Variants in HERPUD1 observed in about 807,000 individuals in gnomAD.
HERPUD1 encodes the protein homocysteine-responsive endoplasmic reticulum-resident ubiquitin-like domain member 1 protein.
A neutral mutation model predicts 45.0 loss-of-function variants in HERPUD1; 17 were observed. The ratio of observed to expected loss-of-function variants is 0.38; its 90% CI spans 0.26 to 0.57. The LOEUF (loss-of-function observed/expected upper bound fraction) is 0.57. Ranked by LOEUF, HERPUD1 falls within the 20% of genes least tolerant of loss-of-function variation. HERPUD1 has a pLI of 0.72. For missense variants in HERPUD1, 420 were observed against 490.5 expected, an observed-to-expected ratio of 0.86 and a Z score of 1.36; for synonymous variants, 164 against 177.5, an observed-to-expected ratio of 0.92 and a Z score of 0.61.
intron 4 of HERPUD1, chr16:56,937,071 CTTCCA>C (rs34189116): frequency 7.2e-6 from 2 of 276,660 alleles, no homozygotes; most frequent in East Asian, 1.6e-4. Flanking sequence ...GCGTTTTATC[CTTCCA>C]TTGTGCTGAC....
intron 1 of HERPUD1, among the ~76,000 whole-genome samples, chr16:56,934,547 T>C (rs2055850064): frequency 6.6e-6 from 1 of 152,042 alleles, no homozygotes; most frequent in African/African-American, 2.4e-5. Context: ...TGCTGGGTGA[T>C]TTTGGTTAAG....
At chr16:56,936,269 A>G (rs1335352157) in intron 3 of HERPUD1, 1 of 152,854 alleles carries the variant, frequency 6.5e-6, no homozygotes, top group Admixed American at 6.5e-5. Context: ...CTGCACTGTA[A>G]TTTTTTTAAA....
intron 1 of HERPUD1, among the ~76,000 whole-genome samples, chr16:56,932,637 G>C (rs536785449): frequency 6.6e-6 from 1 of 152,386 alleles, no homozygotes; most frequent in South Asian, 2.1e-4. Flanking sequence ...CTCCAAGCCT[G>C]TTTCTCCCCC....
chr16:56,933,405 A>G (rs1486073101), intron 1 of HERPUD1: 1 of 451,300 alleles, frequency 2.2e-6, no homozygotes, highest in African/African-American at 2.0e-5. Context: ...ACCCTGGCAC[A>G]TTTTTCAGTT....
intron 7 of HERPUD1, among the ~76,000 whole-genome samples, chr16:56,942,633 T>A (rs549386732): frequency 6.6e-4 from 100 of 152,126 alleles, no homozygotes; most frequent in Admixed American, 2.2e-3. Flanking sequence ...GGCAGGTAGA[T>A]CACCTGAGGT....
chr16:56,944,820 T>C lies in HERPUD1; in HGVS notation c.*1530T>C, dbSNP rs914592302. 2 of 152,188 alleles carry C rather than the reference T, an allele frequency of 1.3e-5. No individual in the cohort carries two copies. Among genetic ancestry groups the C allele is most frequent in the South Asian group, 4.1e-4 (2 of 4,826 alleles). 9.4% of individuals were successfully genotyped at this position (152,188 alleles called of 1,614,324 possible). ...ATATATTTTTACGTGAGTAATGTTA[T>C]GTGTAGGTGTTCTATTTGGCAAAAT... On this transcript the variant is annotated 3_prime_UTR_variant, in exon 8 of 8. Coordinates refer to ENST00000439977, the MANE Select transcript of HERPUD1 (RefSeq NM_014685.4).
Position 56,943,292 on chromosome 16 carries a change from G to A in HERPUD1, c.*2G>A, listed in dbSNP as rs1321776571. On this transcript the variant is annotated 3_prime_UTR_variant, in exon 8 of 8. Transcript: ENST00000439977. ...GGCCCCCCAGCCATCGCAAACTGAT[G>A]GTGTTTGTGCTGTAGCTGTTGGAGG... is the stretch of plus-strand genomic sequence containing the variant. The A allele has an allele frequency of 6.2e-7, 1 of 1,613,972 alleles. No homozygotes were observed. Among genetic ancestry groups the A allele is most frequent in the East Asian group, 2.2e-5 (1 of 44,888 alleles).
At position 56,943,523 on chromosome 16, in the gene HERPUD1, C is replaced by T; in HGVS notation, c.*233C>T. 1 of 577,054 alleles carries T rather than the reference C, an allele frequency of 1.7e-6. No homozygotes were observed. The highest frequency in any genetic ancestry group is 3.1e-6 in the Non-Finnish European group (1 of 320,692). The allele number at this position is 577,054 out of a possible 1,614,324, so 35.7% of individuals were successfully genotyped here. ...TTATTCTGAAGAGCTTTAATATATA[C>T]TCTATGTAGTTTAATAAGCACTGTA... On this transcript the variant is annotated 3_prime_UTR_variant, in exon 8 of 8. Coordinates refer to ENST00000439977, the MANE Select transcript of HERPUD1 (RefSeq NM_014685.4).
At position 56,932,202 on chromosome 16, in the gene HERPUD1, G is replaced by A; in HGVS notation, c.-43G>A. The A allele has an allele frequency of 1.3e-6, 2 of 1,595,824 alleles. No homozygotes were observed. The highest frequency in any genetic ancestry group is 1.7e-6 in the Non-Finnish European group (2 of 1,176,386). On this transcript the variant is annotated 5_prime_UTR_variant, in exon 1 of 8. Transcript: ENST00000439977. The stretch of plus-strand genomic sequence containing the variant: ...GGGCGGCTGAGACGCCGCCTGCCTG[G>A]CACCTAGGAGCGCAGCGGAGCCCCG...
chr16:56,941,017 C>T (rs1437123498), intron 6 of HERPUD1: 1 of 152,128 alleles, frequency 6.6e-6, no homozygotes, highest in Non-Finnish European at 1.5e-5. Flanking sequence ...GAATTCATGG[C>T]TTGGTTGTAT....
Position 56,935,250 on chromosome 16 carries a change from A to C in HERPUD1, c.163A>C (p.Arg55=), listed in dbSNP as rs200895004. The change falls in exon 2 of 8, where the codon AGG becomes CGG. Residue 55 remains arginine (R), a synonymous_variant. Transcript: ENST00000439977. ...YPERPRPEDQ[R]LIYSGKLLLD... ...CCATGATCAGCGTCCAGAGGACCAGAGGTTAATTTATTCTGGGAAGCTGTT... is the reference window on the plus strand; with the variant it reads ...CCATGATCAGCGTCCAGAGGACCAGCGGTTAATTTATTCTGGGAAGCTGTT... The C allele has an allele frequency of 6.2e-7, 1 of 1,613,564 alleles. No individual in the cohort carries two copies. The highest frequency in any genetic ancestry group is 2.2e-5 in the East Asian group (1 of 44,884).
chr16:56,936,655 C>G, intron 3 of HERPUD1, 32 bp from the exon 4 acceptor site: 1 of 1,573,694 alleles, frequency 6.4e-7, no homozygotes, highest in East Asian at 2.3e-5. Flanking sequence ...GCATCAGCTC[C>G]TTTGTTCTGT....
In HERPUD1 at chr16:56,934,097, A is replaced by G. The variant is rs1470513671; in HGVS notation, c.148-1138A>G. Among the ~76,000 whole-genome samples, 3 of 152,338 alleles carry G rather than the reference A, an allele frequency of 2.0e-5. No individual in the cohort carries two copies. In the East Asian group the frequency reaches 5.8e-4, roughly 29 times the overall value. ...TAAACAGCTTGCTTTAATTATCTCAAGCTACTTGGCAGGAACACCTTTATT... is the reference window on the plus strand; with the variant it reads ...TAAACAGCTTGCTTTAATTATCTCAGGCTACTTGGCAGGAACACCTTTATT... On this transcript the variant is annotated intron_variant, in intron 1 of 7. Coordinates refer to ENST00000439977, the MANE Select transcript of HERPUD1 (RefSeq NM_014685.4).
intron 1 of HERPUD1, among the ~76,000 whole-genome samples, chr16:56,932,696 A>G (rs1178376561): frequency 5.9e-5 from 9 of 152,156 alleles, no homozygotes; most frequent in African/African-American, 2.2e-4. Flanking sequence ...TCCAATGGCT[A>G]GAAGTAAGAA....
chr16:56,933,202 C>G (rs1303214440), intron 1 of HERPUD1: 1 of 451,252 alleles, frequency 2.2e-6, no homozygotes, highest in Non-Finnish European at 4.4e-6. Context: ...GAGCATAATT[C>G]TTCATCACAC....
chr16:56,940,416 C>T, intron 6 of HERPUD1, 171 bp downstream of exon 6: 2 of 587,094 alleles, frequency 3.4e-6, no homozygotes, highest in African/African-American at 3.7e-5. Flanking sequence ...AAGCGATTCT[C>T]CTGCCTCAGC....
intron 6 of HERPUD1, chr16:56,941,909 A>G: frequency 2.1e-6 from 1 of 485,600 alleles, no homozygotes. Context: ...TGCTGTTTAT[A>G]TGGCTGGGTG....
At chr16:56,933,418 A>T (rs1373436609) in intron 1 of HERPUD1, 1 of 444,736 alleles carries the variant, frequency 2.2e-6, no homozygotes, top group African/African-American at 2.0e-5. Flanking sequence ...TTTCAGTTTC[A>T]CCATAGCTGC....
intron 3 of HERPUD1, 56 bp from the exon 4 acceptor site, chr16:56,936,631 G>C (rs910109724): frequency 1.0e-5 from 15 of 1,463,102 alleles, no homozygotes; most frequent in Middle Eastern, 1.8e-4. Context: ...CCTTTTGCTT[G>C]ATTTCAGACA....
Sources: gnomAD v4.1 joint callset for allele counts (sites outside exome capture counted in the v4.1 genomes callset) on GRCh38, gnomAD v4.1.1 for gene constraint, MANE v1.5 for transcripts, NCBI Gene and HGNC (gene_info 2026-07-23, HGNC 2026-07-21) for gene names.